Variants in PLCB2 observed in about 807,000 individuals in gnomAD.
PLCB2 encodes 1-phosphatidylinositol 4,5-bisphosphate phosphodiesterase beta-2.
A neutral mutation model predicts 141.7 loss-of-function variants in PLCB2; 115 were observed. That is an observed-to-expected ratio of 0.81 (90% CI 0.70 to 0.95). PLCB2 has a LOEUF of 0.95. Among genes scored for constraint, PLCB2 ranks in the 40% least tolerant of loss-of-function variants. PLCB2 has a pLI of 0.00. For synonymous variants in PLCB2, 603 were observed against 595.6 expected (o/e 1.01, Z -0.18); for missense variants, 1,403 against 1,541.1 (o/e 0.91, Z 1.50).
At chr15:40,287,877 C>G (rs574786700), downstream of PLCB2, 85 of 969,258 alleles carry the variant, frequency 8.8e-5, no homozygotes, top group African/African-American at 1.4e-3. Context: ...CATTTTCTAC[C>G]TGTAGAATAG....
chr15:40,290,963 T>TG, intron 27 of PLCB2, 55 bp downstream of exon 27: 1 of 767,402 alleles, frequency 1.3e-6, no homozygotes, highest in Admixed American at 4.3e-5. Context: ...ATGGGGTCCA[T>TG]GGGGGGTGGG....
intron 16 of PLCB2, 40 bp from the exon 17 acceptor site, chr15:40,295,325 C>T: frequency 2.2e-6 from 3 of 1,383,100 alleles, no homozygotes; most frequent in Non-Finnish European, 3.1e-6. Context: ...TTTTATCAGG[C>T]TGTCCCCTCC....
rs373488925 is a variant in PLCB2 at position 40,289,289 on chromosome 15, G to C, written c.3337C>G (p.Arg1113Gly). The C allele has an allele frequency of 1.2e-6, 2 of 1,613,560 alleles. No homozygotes were observed. The highest frequency in any genetic ancestry group is 2.2e-5 in the East Asian group (1 of 44,894). ...CCTGTTACCTGCTTTTCCATCTCCCGTATCTGTTCCAGGCAAGCCGCCTGC... is the reference window on the plus strand; with the variant it reads ...CCTGTTACCTGCTTTTCCATCTCCCCTATCTGTTCCAGGCAAGCCGCCTGC... The part of the protein sequence containing the change: ...EKQAACLEQI[R>G]EMEKQFQKEA... The change falls in exon 31 of 32, where the codon CGG becomes GGG. Residue 1113 changes from arginine to glycine, a missense_variant. This residue lies in a region of PLCB2 where 132 missense variants were observed against 132.4 expected (regional missense o/e 1.00). Coordinates refer to ENST00000260402, the MANE Select transcript of PLCB2 (RefSeq NM_004573.3).
At chr15:40,300,881 C>T (rs2040470345) in intron 7 of PLCB2, 1 of 152,390 alleles carries the variant, frequency 6.6e-6, no homozygotes, top group Admixed American at 6.5e-5. Context: ...CTGGATCTCC[C>T]CAAACCCCTC....
At chr15:40,296,256 C>T in intron 16 of PLCB2, 40 bp downstream of exon 16, 1 of 1,495,100 alleles carries the variant, frequency 6.7e-7, no homozygotes. Flanking sequence ...GGAGATCCCC[C>T]TTCTTCTTAC....
chr15:40,289,341 CT>C lies in PLCB2; in HGVS notation c.3284del (p.Glu1095GlyfsTer37). ...QVIKQMTENL[E>X]RHQEKLEEKQ... The stretch of plus-strand genomic sequence containing the variant: ...TCTCCTCCAGCTTCTCCTGGTGCCT[CT>C]CCAAGTTCTCCGTCATCTGGGTGGG... On this transcript the variant is annotated frameshift_variant, in exon 31 of 32. Coordinates refer to ENST00000260402, the MANE Select transcript of PLCB2 (RefSeq NM_004573.3). LOFTEE classifies it high-confidence loss of function. 6.2e-7 allele frequency: 1 copy of C among 1,613,968 alleles called. No individual in the cohort carries two copies. The highest frequency in any genetic ancestry group is 8.5e-7 in the Non-Finnish European group (1 of 1,179,854).
intron 30 of PLCB2, 91 bp downstream of exon 30, chr15:40,289,926 GAAGAGAGA>G (rs1308527745): frequency 2.6e-5 from 19 of 726,090 alleles, no homozygotes; most frequent in Middle Eastern, 2.4e-4. Context: ...TCCTACTTGT[GAAGAGAGA>G]GAGAGAGAGA....
rs1169218717 is a variant in PLCB2, at chr15:40,302,495, C to T, written c.346G>A (p.Val116Ile). The change falls in exon 4 of 32, where the codon GTC (valine) becomes ATC (isoleucine). Residue 116 changes from valine to isoleucine, a missense_variant. Physicochemically the swap from Val to Ile is conservative, Grantham distance 29. Around this residue, in one of 4 missense-constraint regions of PLCB2, gnomAD observed 975 missense variants for 1,141.1 expected, o/e 0.85. Coordinates refer to ENST00000260402, the MANE Select transcript of PLCB2 (RefSeq NM_004573.3). ...DMVDLTFHNF[V>I]SYKENVGKAW... ...TTGCCCACGTTCTCCTTGTAGGAGACGAAGTTGTGGAAGGTGAGGTCCACC... is the reference window on the plus strand; with the variant it reads ...TTGCCCACGTTCTCCTTGTAGGAGATGAAGTTGTGGAAGGTGAGGTCCACC... 10 of 1,614,012 alleles carry T rather than the reference C, an allele frequency of 6.2e-6. No individual in the cohort carries two copies. In the African/African-American group the frequency reaches 9.3e-5, roughly 15 times the overall value.
In PLCB2 at chr15:40,291,371, C is replaced by T. The variant is rs1199101096; in HGVS notation, c.2764G>A (p.Glu922Lys). 9.8e-6 allele frequency: 15 copies of T among 1,526,398 alleles called. No homozygotes were observed. Among genetic ancestry groups the T allele is most frequent in the African/African-American group, 1.4e-5 (1 of 71,298 alleles). The allele number at this position is 1,526,398 out of a possible 1,614,324, so 94.6% of individuals were successfully genotyped here. Residue 922 changes from glutamate (E) to lysine (K), a missense_variant, in exon 26 of 32, where the codon GAG (glutamate) becomes AAG (lysine). Around this residue, in one of 4 missense-constraint regions of PLCB2, gnomAD observed 290 missense variants for 245.9 expected, o/e 1.18. Coordinates refer to ENST00000260402, the MANE Select transcript of PLCB2 (RefSeq NM_004573.3). ...TGCGCCGCGCCCCGCTGCAGCAGCT[C>T]CTCCCAGCGCCGCGCTCCGCGCCGC... ...LERRGARRWEELLQRGAAQLA... is the reference protein window; with the variant it reads ...LERRGARRWEKLLQRGAAQLA...
At chr15:40,293,426 A>T in intron 20 of PLCB2, 134 bp downstream of exon 20, 1 of 884,620 alleles carries the variant, frequency 1.1e-6, no homozygotes, top group Middle Eastern at 2.6e-4. Context: ...CACTCTTGAA[A>T]CAGGAGGGCC....
downstream of PLCB2, chr15:40,286,011 G>T: frequency 1.0e-6 from 1 of 985,636 alleles, no homozygotes; most frequent in Non-Finnish European, 1.2e-6. Flanking sequence ...CAGGAAGGGG[G>T]TGGTGGTGCC....
At chr15:40,289,957 GA>G in intron 30 of PLCB2, 67 bp downstream of exon 30, 9 of 766,704 alleles carry the variant, frequency 1.2e-5, no homozygotes, top group Middle Eastern at 2.5e-4. Flanking sequence ...GAGAGAGAGA[GA>G]GAGAGAGAGA....
At position 40,293,639 on chromosome 15, in the gene PLCB2, C is replaced by A; in HGVS notation, c.2147G>T (p.Arg716Met). The stretch of plus-strand genomic sequence containing the variant: ...GGGTGACAGCTTAGTTCGATAGCGC[C>A]TCTTGGGGTCCCCAGGAAGGCCAAA... ...ELFGLPGDPK[R>M]RYRTKLSPST... Residue 716 changes from arginine to methionine, a missense_variant, in exon 20 of 32, where the codon AGG (arginine) becomes ATG (methionine). Transcript: ENST00000260402. The A allele has an allele frequency of 6.2e-7, 1 of 1,614,100 alleles. No homozygotes were observed. Among genetic ancestry groups the A allele is most frequent in the Non-Finnish European group, 8.5e-7 (1 of 1,179,984 alleles).
downstream of PLCB2, among the ~76,000 whole-genome samples, chr15:40,287,545 G>C (rs531882485): frequency 6.6e-6 from 1 of 152,134 alleles, no homozygotes; most frequent in South Asian, 2.1e-4. Context: ...CAACCACTCT[G>C]TCTTCCTAAA....
rs779256250 is a variant in PLCB2, at chr15:40,291,866, G to A, written c.2585C>T (p.Thr862Met). The change falls in exon 24 of 32, where the codon ACG becomes ATG. Residue 862 changes from threonine to methionine, a missense_variant. Coordinates refer to ENST00000260402, the MANE Select transcript of PLCB2 (RefSeq NM_004573.3). ...ASQVNGALAPTSNGSPAARAG... is the reference protein window; with the variant it reads ...ASQVNGALAPMSNGSPAARAG... ...GCTCATACCTGGTGACCCATTGCTC[G>A]TTGGGGCCAACGCCCCATTGACCTG... The A allele has an allele frequency of 5.6e-6, 9 of 1,614,104 alleles. No homozygotes were observed. The highest frequency in any genetic ancestry group is 3.3e-4 in the Middle Eastern group (2 of 6,062).
Position 40,291,269 on chromosome 15 carries a change from TCTTGCGAGAGCC to T in PLCB2, c.2854_2865del (p.Gly952_Lys955del). The T allele has an allele frequency of 1.3e-6, 2 of 1,569,946 alleles. No homozygotes were observed. Among genetic ancestry groups the T allele is most frequent in the Non-Finnish European group, 1.7e-6 (2 of 1,166,510 alleles). On this transcript the variant is annotated inframe_deletion, in exon 26 of 32. Transcript: ENST00000260402. ...GGGCACCGCCACGAGCCTTACCTCT[TCTTGCGAGAGCC>T]CTTGCCGGGACCGAGCTTGCAGGCC...
Position 40,297,940 on chromosome 15 carries a change from G to A in PLCB2, c.1175C>T (p.Ala392Val), listed in dbSNP as rs1170738727. ...GGGGGAGGTCTTAAAGGCGCTTTCT[G>A]CAATAGCCTCAATTGCTTCCTGGAG... ...IFFKEAIEAI[A>V]ESAFKTSPYP... Residue 392 changes from alanine to valine, a missense_variant, in exon 12 of 32, where the codon GCA becomes GTA. Ala to Val is a moderately conservative substitution (Grantham distance 64). Around this residue, in one of 4 missense-constraint regions of PLCB2, gnomAD observed 975 missense variants for 1,141.1 expected, o/e 0.85. Coordinates refer to ENST00000260402, the MANE Select transcript of PLCB2 (RefSeq NM_004573.3). This position sits in a 1 kb window ranked among gnomAD's most constrained non-coding sequence, Gnocchi z 4.2. 6.2e-7 allele frequency: 1 copy of A among 1,611,642 alleles called. No individual in the cohort carries two copies.
chr15:40,292,101 G>A lies in PLCB2; in HGVS notation c.2489C>T (p.Ser830Phe). The A allele has an allele frequency of 1.2e-6, 2 of 1,614,232 alleles. No homozygotes were observed. Among genetic ancestry groups the A allele is most frequent in the South Asian group, 2.2e-5 (2 of 91,082 alleles). The part of the protein sequence containing the change: ...IKFFSAHDTK[S>F]VKLKEAMGGL... ...TCCCATGGCCTCCTTGAGCTTCACA[G>A]ACTTCGTGTCATGGGCACTGAAGAA... Residue 830 changes from serine to phenylalanine, a missense_variant, in exon 23 of 32, where the codon TCT (serine) becomes TTT (phenylalanine). Physicochemically the swap from Ser to Phe is radical, Grantham distance 155. Coordinates refer to ENST00000260402, the MANE Select transcript of PLCB2 (RefSeq NM_004573.3).
chr15:40,286,384 A>G (rs2039611726), downstream of PLCB2, among the ~76,000 whole-genome samples: 1 of 152,000 alleles, frequency 6.6e-6, no homozygotes, highest in South Asian at 2.1e-4. Flanking sequence ...TCTTTCCTCA[A>G]GTGTCACCAG....
Sources: allele counts gnomAD v4.1 joint callset (sites outside exome capture counted in the v4.1 genomes callset), GRCh38; gene constraint gnomAD v4.1.1; regional missense constraint gnomAD v4.1.1; non-coding constraint Gnocchi (gnomAD v3.1); transcripts MANE v1.5; gene names NCBI Gene and HGNC (gene_info 2026-07-23, HGNC 2026-07-21).